Variants in SLC5A1 observed in about 807,000 individuals in gnomAD.
The protein encoded by SLC5A1 is solute carrier family 5 member 1.
SLC5A1 carries 42 observed loss-of-function variants against 73.5 expected under a neutral mutation model. The ratio of observed to expected loss-of-function variants is 0.57; its 90% CI spans 0.45 to 0.74. The LOEUF (loss-of-function observed/expected upper bound fraction) is 0.74, where lower values mean the gene tolerates loss of function less well. SLC5A1 is among the 30% of genes least tolerant of loss of function. SLC5A1 has a pLI of 0.00. For missense variants in SLC5A1, 634 were observed against 855.4 expected (o/e 0.74, Z 3.23); for synonymous variants, 300 against 317.4 (o/e 0.95, Z 0.58).
At chr22:32,092,434 A>G (rs1453491447) in intron 11 of SLC5A1, among the ~76,000 whole-genome samples, 10 of 152,196 alleles carry the variant, frequency 6.6e-5, no homozygotes, top group Admixed American at 6.6e-4. Flanking sequence ...TCTTTTTTGT[A>G]TAACGACTTC....
At chr22:32,070,222 TCCCCTC>T (rs2093980560) in intron 5 of SLC5A1, among the ~76,000 whole-genome samples, 1 of 10,082 alleles carries the variant, frequency 9.9e-5, no homozygotes, top group Non-Finnish European at 1.8e-4. Context: ...TCCCCTCCCC[TCCCCTC>T]CCCCCTCCCC....
chr22:32,073,650 G>A (rs191431394), intron 5 of SLC5A1, among the ~76,000 whole-genome samples: 34 of 152,068 alleles, frequency 2.2e-4, no homozygotes, highest in African/African-American at 7.7e-4. Context: ...TCCACCTCCC[G>A]GGTTCAAGTG....
intron 5 of SLC5A1, among the ~76,000 whole-genome samples, chr22:32,071,632 T>C (rs530204311): frequency 5.9e-5 from 9 of 152,172 alleles, no homozygotes; most frequent in Non-Finnish European, 8.8e-5. Context: ...AAAGTGCTCA[T>C]TGCTCTATCA....
At chr22:32,052,797 A>T (rs927682696) in intron 2 of SLC5A1, among the ~76,000 whole-genome samples, 1 of 152,080 alleles carries the variant, frequency 6.6e-6, no homozygotes, top group Non-Finnish European at 1.5e-5. Context: ...TGAATTAAAG[A>T]GAAATGAGGG....
At chr22:32,079,267 T>C (rs913102350) in intron 5 of SLC5A1, among the ~76,000 whole-genome samples, 1 of 152,158 alleles carries the variant, frequency 6.6e-6, no homozygotes, top group Non-Finnish European at 1.5e-5. Flanking sequence ...GCTAAGGTAT[T>C]CCCAGCCTGG....
rs1471239456 is a variant in SLC5A1 at position 32,084,629 on chromosome 22, C to T, written c.855C>T (p.Ile285=). Residue 285 remains isoleucine, a synonymous_variant, in exon 8 of 15, where the codon ATC becomes ATT. Transcript: ENST00000266088. The part of the protein sequence containing the change: ...PWPGFIFGMS[I]LTLWYWCTDQ... ...CTGGGTTCATCTTTGGGATGTCCAT[C>T]CTTACCTTGTGGTACTGGTGCACAG... 1.2e-6 allele frequency: 2 copies of T among 1,614,192 alleles called. No homozygotes were observed. The highest frequency in any genetic ancestry group is 3.3e-5 in the Admixed American group (2 of 60,032).
In SLC5A1 at chr22:32,084,435, C is replaced by T. The variant is rs1387850484; in HGVS notation, c.665-4C>T. ...ATGTTCATTTCTGTACCGATGTTTT[C>T]CAGCTTTTCACGAAGTGGGAGGCTA... On this transcript the variant is annotated splice_region_variant and splice_polypyrimidine_tract_variant and intron_variant, in intron 7 of 14. Transcript: ENST00000266088. 1 of 1,613,326 alleles carries T rather than the reference C, an allele frequency of 6.2e-7. No individual in the cohort carries two copies. Among genetic ancestry groups the T allele is most frequent in the Non-Finnish European group, 8.5e-7 (1 of 1,179,242 alleles).
chr22:32,086,005 G>A (rs2094007551), intron 9 of SLC5A1, among the ~76,000 whole-genome samples: 1 of 152,112 alleles, frequency 6.6e-6, no homozygotes, highest in Non-Finnish European at 1.5e-5. Context: ...GCCAGGCATG[G>A]TGGTGGGCGC....
intron 11 of SLC5A1, among the ~76,000 whole-genome samples, chr22:32,095,367 A>G (rs2149495338): frequency 6.6e-6 from 1 of 152,302 alleles, no homozygotes; most frequent in African/African-American, 2.4e-5. Flanking sequence ...CATTTGTTCC[A>G]GGGTATAGCT....
chr22:32,051,395 C>T (rs2093944964), intron 2 of SLC5A1, among the ~76,000 whole-genome samples: 1 of 152,200 alleles, frequency 6.6e-6, no homozygotes, highest in Non-Finnish European at 1.5e-5. Flanking sequence ...GTGACTCACA[C>T]CTGTAATCCA....
At chr22:32,087,267 A>C (rs1339462203) in intron 10 of SLC5A1, among the ~76,000 whole-genome samples, 2 of 152,234 alleles carry the variant, frequency 1.3e-5, no homozygotes, top group Admixed American at 1.3e-4. Context: ...AAAAAATGTT[A>C]AGTATTTAAG....
At chr22:32,045,797 T>C (rs1256050796) in intron 1 of SLC5A1, among the ~76,000 whole-genome samples, 1 of 152,240 alleles carries the variant, frequency 6.6e-6, no homozygotes, top group East Asian at 1.9e-4. Context: ...TCTGACCTTA[T>C]TCTTCCTGGA....
intron 11 of SLC5A1, among the ~76,000 whole-genome samples, chr22:32,097,077 T>A (rs1237560728): frequency 6.6e-6 from 1 of 152,218 alleles, no homozygotes; most frequent in African/African-American, 2.4e-5. Context: ...ACAGAAAATG[T>A]TTTGTTGCCT....
chr22:32,103,557 T>A (rs940231046), intron 13 of SLC5A1, among the ~76,000 whole-genome samples: 1 of 152,230 alleles, frequency 6.6e-6, no homozygotes, highest in East Asian at 1.9e-4. Flanking sequence ...GTGCGTAAGA[T>A]CACATGGGTG....
intron 12 of SLC5A1, among the ~76,000 whole-genome samples, chr22:32,101,444 T>G (rs1010500565): frequency 1.3e-5 from 2 of 152,186 alleles, no homozygotes; most frequent in African/African-American, 2.4e-5. Flanking sequence ...ACAGTATAAT[T>G]TTATGTTCTC....
intron 2 of SLC5A1, among the ~76,000 whole-genome samples, chr22:32,063,464 A>G (rs10483163): frequency 0.045 from 6,818 of 152,290 alleles, 207 homozygotes; most frequent in Non-Finnish European, 0.07. Flanking sequence ...GAAAACATTC[A>G]AACTTGAGTT....
At chr22:32,098,561 T>C (rs1222001405) in intron 11 of SLC5A1, among the ~76,000 whole-genome samples, 3 of 152,198 alleles carry the variant, frequency 2.0e-5, no homozygotes, top group Non-Finnish European at 2.9e-5. Flanking sequence ...CCATACTCTA[T>C]TGCCTCTCAA....
chr22:32,070,927 A>G (rs1051405538), intron 5 of SLC5A1, among the ~76,000 whole-genome samples: 2 of 152,228 alleles, frequency 1.3e-5, no homozygotes, highest in African/African-American at 4.8e-5. Flanking sequence ...GGAATAAGAG[A>G]AAGAAAATAG....
intron 10 of SLC5A1, among the ~76,000 whole-genome samples, chr22:32,091,330 CA>C (rs1196703892): frequency 2.1e-4 from 32 of 148,980 alleles, no homozygotes; most frequent in African/African-American, 7.7e-4. Context: ...CACACACACA[CA>C]CACACACACA....
Sources: allele counts gnomAD v4.1 joint callset (sites outside exome capture counted in the v4.1 genomes callset), GRCh38; gene constraint gnomAD v4.1.1; transcripts MANE v1.5; gene names NCBI Gene and HGNC (gene_info 2026-07-23, HGNC 2026-07-21).